MYB: variants seen among roughly 807,000 people sequenced by gnomAD.
MYB encodes the protein MYB proto-oncogene, transcription factor.
Under a neutral mutation model 92.9 loss-of-function variants are expected in MYB, and 28 were observed. The ratio of observed to expected loss-of-function variants is 0.30; its 90% CI spans 0.22 to 0.41. The LOEUF is 0.41. Among genes scored for constraint, MYB ranks in the 10% least tolerant of loss-of-function variants. The pLI is 1.00. For synonymous variants in MYB, 295 were observed against 329.1 expected, an observed-to-expected ratio of 0.90 and a Z score of 1.12; for missense variants, 679 against 929.3, an observed-to-expected ratio of 0.73 and a Z score of 3.50.
intron 13 of MYB, among the ~76,000 whole-genome samples, chr6:135,201,286 T>G (rs1313675736): frequency 2.0e-5 from 3 of 152,218 alleles, no homozygotes; most frequent in Non-Finnish European, 4.4e-5. Context: ...TAAAAACCAG[T>G]CTTTTGTCAC....
intron 9 of MYB, among the ~76,000 whole-genome samples, chr6:135,196,553 A>G (rs1420295811): frequency 6.6e-6 from 1 of 152,190 alleles, no homozygotes; most frequent in Non-Finnish European, 1.5e-5. Context: ...TGCTTCACTG[A>G]GATGAATCAT....
intron 15 of MYB, among the ~76,000 whole-genome samples, chr6:135,212,180 C>T (rs1405563768): frequency 1.5e-5 from 2 of 131,472 alleles, no homozygotes; most frequent in Non-Finnish European, 3.1e-5. Context: ...TAAAACAAAA[C>T]ACAATAAAAA....
Position 135,181,706 on chromosome 6 carries a change from T to A in MYB, c.23+170T>A, listed in dbSNP as rs1307859711. Among the ~76,000 whole-genome samples the A allele has an allele frequency of 6.6e-6, 1 of 152,166 alleles. No homozygotes were observed. The highest frequency in any genetic ancestry group is 1.5e-5 in the Non-Finnish European group (1 of 68,014). ...CAGCAGAAGCCGCTCCAGAGACTGA[T>A]GAATGGAAGAGTCTTTGCGGGAAAT... On this transcript the variant is annotated intron_variant, in intron 1 of 15. Transcript: ENST00000341911. This position sits in a 1 kb window ranked among gnomAD's most constrained non-coding sequence, Gnocchi z 5.3.
chr6:135,211,591 G>A (rs1186141604), intron 15 of MYB, among the ~76,000 whole-genome samples: 1 of 152,158 alleles, frequency 6.6e-6, no homozygotes, highest in Non-Finnish European at 1.5e-5. Flanking sequence ...GAACTCATAT[G>A]TGACTAAGGA....
At chr6:135,186,462 A>C (rs973557944) in intron 2 of MYB, among the ~76,000 whole-genome samples, 1 of 152,216 alleles carries the variant, frequency 6.6e-6, no homozygotes, top group African/African-American at 2.4e-5. Context: ...AAGTCTGTTG[A>C]GGGCAGGGCT....
intron 2 of MYB, among the ~76,000 whole-genome samples, chr6:135,187,485 T>C (rs1384542372): frequency 6.6e-6 from 1 of 152,192 alleles, no homozygotes; most frequent in Non-Finnish European, 1.5e-5. Flanking sequence ...CAAAATTGCC[T>C]CATGTAATCC....
In MYB at chr6:135,197,152, G is replaced by A. The variant is rs1777436508; in HGVS notation, c.1395G>A (p.Lys465=). Residue 465 remains lysine, a synonymous_variant, in exon 10 of 16, where the codon AAG becomes AAA. Transcript: ENST00000341911. ...GTGAGAGTTCACTTGACCCACCCAA[G>A]GTCTTACCTCCTGCAAGGCACAGCA... ...MLSESSLDPP[K]VLPPARHSTI... 6.2e-7 allele frequency: 1 copy of A among 1,613,960 alleles called. No individual in the cohort carries two copies. Among genetic ancestry groups the A allele is most frequent in the Admixed American group, 1.7e-5 (1 of 59,996 alleles).
intron 15 of MYB, among the ~76,000 whole-genome samples, chr6:135,211,660 T>G (rs1583417677): frequency 6.6e-6 from 1 of 152,178 alleles, no homozygotes; most frequent in East Asian, 1.9e-4. Flanking sequence ...TTAGAAAGTC[T>G]ATCAACGTGA....
chr6:135,187,928 TA>T, intron 3 of MYB, 23 bp downstream of exon 3: 1 of 1,541,296 alleles, frequency 6.5e-7, no homozygotes, highest in Non-Finnish European at 8.9e-7. Flanking sequence ...GTTTTTCTTA[TA>T]ACGAAAGGAA....
At chr6:135,189,993 C>A in intron 4 of MYB, 110 bp downstream of exon 4, 2 of 1,384,500 alleles carry the variant, frequency 1.4e-6, no homozygotes, top group South Asian at 1.3e-5. Context: ...AAGTAGAGGA[C>A]TCTATTCCCA....
In MYB at chr6:135,190,436, T is replaced by C. The variant is rs1449905594; in HGVS notation, c.527+89T>C. 1.2e-5 allele frequency: 12 copies of C among 992,976 alleles called. No homozygotes were observed. The highest frequency in any genetic ancestry group is 2.6e-5 in the East Asian group (1 of 39,168). The allele number at this position is 992,976 out of a possible 1,614,324, so 61.5% of individuals were successfully genotyped here. ...CTTTAAATGTATGGTGAGTAAATTA[T>C]ATTTCATCAGTCGTAAGTGTTTTAT... On this transcript the variant is annotated intron_variant, in intron 5 of 15. Coordinates refer to ENST00000341911, the MANE Select transcript of MYB (RefSeq NM_001130173.2). This position sits in a 1 kb window ranked among gnomAD's most constrained non-coding sequence, Gnocchi z 4.5.
At chr6:135,185,815 G>A (rs1775835578) in intron 1 of MYB, 88 bp from the exon 2 acceptor site, 2 of 1,026,962 alleles carry the variant, frequency 1.9e-6, no homozygotes, top group Non-Finnish European at 3.0e-6. Flanking sequence ...TGAAAAGATT[G>A]TTGAGGAGTT....
chr6:135,196,843 A>G, intron 9 of MYB, 118 bp from the exon 10 acceptor site: 1 of 1,588,008 alleles, frequency 6.3e-7, no homozygotes, highest in Non-Finnish European at 8.5e-7. Context: ...CTGTTGCTCA[A>G]GAAGCCAAAC....
chr6:135,194,094 C>T (rs1380766163), intron 7 of MYB, among the ~76,000 whole-genome samples, 176 bp downstream of exon 7: 1 of 152,174 alleles, frequency 6.6e-6, no homozygotes, highest in African/African-American at 2.4e-5. Flanking sequence ...TGAGTTTGCT[C>T]TGGAATTTTC....
chr6:135,204,186 A>C (rs929794864), intron 15 of MYB, among the ~76,000 whole-genome samples: 1 of 152,194 alleles, frequency 6.6e-6, no homozygotes, highest in Non-Finnish European at 1.5e-5. Context: ...GAGTCTGCCC[A>C]TTACCTTAAA....
intron 8 of MYB, 137 bp downstream of exon 8, chr6:135,194,597 TGTA>T (rs932018869): frequency 2.7e-4 from 173 of 630,068 alleles, no homozygotes; most frequent in Admixed American, 2.3e-3. Flanking sequence ...AGAAGTTGCT[TGTA>T]GTAAAATGTA....
Position 135,202,437 on chromosome 6 carries a change from C to T in MYB, c.2061+688C>T, listed in dbSNP as rs61013297. ...AGACTGGAGTGCAATGGCACGATTT[C>T]GGCTCACTGCAACCTCTGCCTCCCG... On this transcript the variant is annotated intron_variant, in intron 14 of 15. Coordinates refer to ENST00000341911, the MANE Select transcript of MYB (RefSeq NM_001130173.2). 7.0e-3 allele frequency: 1,084 copies of T among 155,414 alleles called. 10 individuals are homozygous for T. The highest frequency in any genetic ancestry group is 0.023 in the African/African-American group (945 of 41,552). 9.6% of individuals were successfully genotyped at this position (155,414 alleles called of 1,614,324 possible).
chr6:135,197,421 T>C (rs1777486831), intron 10 of MYB, 98 bp downstream of exon 10: 1 of 1,089,222 alleles, frequency 9.2e-7, no homozygotes, highest in Non-Finnish European at 1.3e-6. Flanking sequence ...GACTAATTAC[T>C]GCTGCCTTTG....
intron 15 of MYB, among the ~76,000 whole-genome samples, chr6:135,210,290 G>A (rs1412788306): frequency 6.6e-6 from 1 of 152,072 alleles, no homozygotes; most frequent in African/African-American, 2.4e-5. Context: ...GTGTTCATAG[G>A]CTTTCTACTC....
Sources: gnomAD v4.1 joint callset for allele counts (sites outside exome capture counted in the v4.1 genomes callset) on GRCh38, gnomAD v4.1.1 for gene constraint, Gnocchi (gnomAD v3.1) non-coding constraint, MANE v1.5 for transcripts, NCBI Gene and HGNC (gene_info 2026-07-23, HGNC 2026-07-21) for gene names.